Variants in LURAP1L observed in about 807,000 individuals in gnomAD.
LURAP1L encodes leucine rich adaptor protein 1 like.
In LURAP1L, 12 loss-of-function variants were observed where a neutral mutation model predicts 13.8. The observed-to-expected ratio is 0.87, with a 90% CI of 0.56 to 1.41. The LOEUF (loss-of-function observed/expected upper bound fraction) is 1.41. Among genes scored for constraint, LURAP1L ranks in the 40% most tolerant of loss-of-function variants. The pLI, the probability that LURAP1L is intolerant of heterozygous loss-of-function variation, is 0.00. For synonymous variants in LURAP1L, 139 were observed against 119.2 expected (o/e 1.17, Z -1.08); for missense variants, 375 against 292.9 (o/e 1.28, Z -2.04).
chr9:12,803,747 C>G, intron 1 of LURAP1L, among the ~76,000 whole-genome samples: 1 of 152,272 alleles, frequency 6.6e-6, no homozygotes, highest in Middle Eastern at 3.4e-3. Flanking sequence ...AGATCAAACA[C>G]TTTAATTGTT....
At chr9:12,784,487 C>T (rs542748759) in intron 1 of LURAP1L, among the ~76,000 whole-genome samples, 1 of 152,278 alleles carries the variant, frequency 6.6e-6, no homozygotes, top group Non-Finnish European at 1.5e-5. Context: ...TACTATATGA[C>T]AGAATTCCCT....
intron 1 of LURAP1L, among the ~76,000 whole-genome samples, chr9:12,807,118 T>TATATATATATATATA (rs1563896115): frequency 4.5e-5 from 6 of 133,732 alleles, no homozygotes; most frequent in East Asian, 2.3e-4. Flanking sequence ...TATATATATA[T>TATATATATATATATA]TAGCCGGGCG....
chr9:12,807,438 A>G (rs762833823), intron 1 of LURAP1L, among the ~76,000 whole-genome samples: 1 of 152,200 alleles, frequency 6.6e-6, no homozygotes, highest in Admixed American at 6.5e-5. Flanking sequence ...AGGAGAGACT[A>G]GAGACTATGT....
intron 1 of LURAP1L, chr9:12,814,260 TA>T (rs1341550949): frequency 6.6e-6 from 1 of 152,170 alleles, no homozygotes; most frequent in African/African-American, 2.4e-5. Context: ...TCTTAAGTTC[TA>T]AATTGAAAAG....
At chr9:12,791,622 C>A (rs1283802729) in intron 1 of LURAP1L, among the ~76,000 whole-genome samples, 1 of 151,470 alleles carries the variant, frequency 6.6e-6, no homozygotes, top group African/African-American at 2.4e-5. Flanking sequence ...TTTATATTGA[C>A]CTTTCTCATT....
At position 12,775,892 on chromosome 9, in the gene LURAP1L, C is replaced by T; in HGVS notation, c.177C>T (p.Ser59=). Residue 59 remains serine (S), a synonymous_variant, in exon 1 of 2, where the codon AGC becomes AGT. Transcript: ENST00000319264. ...GGGGGGGCSS[S]SSYCSFPPSL... ...GCGGCGGCGGCGGCTGCAGTAGCAG[C>T]AGCAGCTACTGCAGCTTCCCTCCCT... The T allele has an allele frequency of 4.5e-6, 7 of 1,561,512 alleles. No homozygotes were observed. Among genetic ancestry groups the T allele is most frequent in the Non-Finnish European group, 6.1e-6 (7 of 1,149,898 alleles).
chr9:12,777,506 T>C (rs1819204915), intron 1 of LURAP1L: 7 of 984,214 alleles, frequency 7.1e-6, no homozygotes, highest in Non-Finnish European at 7.2e-6. Flanking sequence ...TTCCTAACCA[T>C]GTCTTCTGTA....
chr9:12,780,572 G>C (rs547738365), intron 1 of LURAP1L, among the ~76,000 whole-genome samples: 1 of 152,168 alleles, frequency 6.6e-6, no homozygotes, highest in East Asian at 1.9e-4. Context: ...ATTCAAACAA[G>C]AACCACTGTG....
chr9:12,781,197 C>G (rs1819265008), intron 1 of LURAP1L, among the ~76,000 whole-genome samples: 1 of 152,160 alleles, frequency 6.6e-6, no homozygotes, highest in Non-Finnish European at 1.5e-5. Context: ...TCTGGAACTC[C>G]TGACCTCAGG....
intron 1 of LURAP1L, among the ~76,000 whole-genome samples, chr9:12,785,730 C>A (rs1819341097): frequency 6.6e-6 from 1 of 152,198 alleles, no homozygotes; most frequent in Non-Finnish European, 1.5e-5. Flanking sequence ...CAGTGCTGCA[C>A]TGCTAGGAGA....
chr9:12,813,016 G>C (rs1230470785), intron 1 of LURAP1L, among the ~76,000 whole-genome samples: 1 of 152,036 alleles, frequency 6.6e-6, no homozygotes, highest in African/African-American at 2.4e-5. Flanking sequence ...GAAAAGATAA[G>C]ATTACCTTCA....
At chr9:12,806,066 A>T (rs1819652414) in intron 1 of LURAP1L, among the ~76,000 whole-genome samples, 1 of 152,214 alleles carries the variant, frequency 6.6e-6, no homozygotes, top group African/African-American at 2.4e-5. Flanking sequence ...ACTCTGCTTA[A>T]CTAGCTCTAG....
At chr9:12,781,879 T>C (rs1313456587) in intron 1 of LURAP1L, among the ~76,000 whole-genome samples, 1 of 152,218 alleles carries the variant, frequency 6.6e-6, no homozygotes, top group Non-Finnish European at 1.5e-5. Flanking sequence ...CCACCAACAG[T>C]GTACAAGGGT....
At position 12,804,563 on chromosome 9, in the gene LURAP1L, G is replaced by A. The variant is rs527509429; in HGVS notation, c.313-16823G>A. 4.9e-4 allele frequency among the ~76,000 whole-genome samples: 74 copies of A among 152,060 alleles called. No homozygotes were observed. The East Asian group carries it at 0.014, about 28-fold the overall frequency. On this transcript the variant is annotated intron_variant, in intron 1 of 1. Transcript: ENST00000319264. ...TCACTATGTTGGCCAGGCTGGTCTC[G>A]AATTCCTGACCTGAGGTGATCCGCT...
chr9:12,815,071 T>A (rs1261738910), intron 1 of LURAP1L, among the ~76,000 whole-genome samples: 1 of 152,172 alleles, frequency 6.6e-6, no homozygotes, highest in Non-Finnish European at 1.5e-5. Context: ...CAGTGTCTTC[T>A]CAGGCTGCAA....
chr9:12,775,804 G>A lies in LURAP1L; in HGVS notation c.89G>A (p.Gly30Glu), dbSNP rs116787446. 5.4e-4 allele frequency: 875 copies of A among 1,608,132 alleles called. 1 individual carries two copies. In the African/African-American group the frequency reaches 0.011, roughly 19 times the overall value. The part of the protein sequence containing the change: ...VPESLVRSLR[G>E]EEPVPRERDR... Reference sequence around the variant, plus strand: ...GAGAGTCTAGTGCGCTCTCTCCGTGGGGAGGAGCCGGTTCCCAGGGAAAGG... The same window carrying A: ...GAGAGTCTAGTGCGCTCTCTCCGTGAGGAGGAGCCGGTTCCCAGGGAAAGG... The change falls in exon 1 of 2, where the codon GGG (glycine) becomes GAG (glutamate). Residue 30 changes from glycine to glutamate, a missense_variant. By Grantham distance (98) the Gly-to-Glu change is moderately conservative. Transcript: ENST00000319264.
At chr9:12,787,922 G>T (rs1050020490) in intron 1 of LURAP1L, among the ~76,000 whole-genome samples, 2 of 151,874 alleles carry the variant, frequency 1.3e-5, no homozygotes, top group African/African-American at 2.4e-5. Context: ...GACCAACCTG[G>T]CCAACATGGT....
chr9:12,786,325 T>A (rs1391569847), intron 1 of LURAP1L, among the ~76,000 whole-genome samples: 1 of 151,676 alleles, frequency 6.6e-6, no homozygotes, highest in East Asian at 1.9e-4. Context: ...TATAAGTGAT[T>A]ATTCAAACAC....
intron 1 of LURAP1L, among the ~76,000 whole-genome samples, chr9:12,804,321 T>G (rs921431428): frequency 2.0e-5 from 3 of 151,114 alleles, no homozygotes; most frequent in Non-Finnish European, 4.4e-5. Context: ...GATTTTTGTA[T>G]GTGGCTCTGT....
Sources: gnomAD v4.1 joint callset for allele counts (sites outside exome capture counted in the v4.1 genomes callset) on GRCh38, gnomAD v4.1.1 for gene constraint, MANE v1.5 for transcripts, NCBI Gene and HGNC (gene_info 2026-07-23, HGNC 2026-07-21) for gene names.